MAML3: variants seen among roughly 807,000 people sequenced by gnomAD.
The protein encoded by MAML3 is mastermind-like protein 3.
Under a neutral mutation model 101.9 loss-of-function variants are expected in MAML3, and 27 were observed. The observed-to-expected ratio is 0.27, with a 90% CI of 0.20 to 0.37. The LOEUF (loss-of-function observed/expected upper bound fraction) is 0.37, where lower values mean the gene tolerates loss of function less well. Ranked by LOEUF, MAML3 falls within the 10% of genes least tolerant of loss-of-function variation. MAML3 has a pLI of 1.00. For synonymous variants in MAML3, 501 were observed against 555.9 expected (o/e 0.90, Z 1.39); for missense variants, 1,316 against 1,444.9 (o/e 0.91, Z 1.45).
At chr4:139,732,778 T>C (rs1314048119) in intron 2 of MAML3, among the ~76,000 whole-genome samples, 1 of 152,216 alleles carries the variant, frequency 6.6e-6, no homozygotes, top group Non-Finnish European at 1.5e-5. Flanking sequence ...GTGTTAAGTG[T>C]GCACCTAAGA....
At chr4:139,828,030 C>T (rs1731094170) in intron 2 of MAML3, among the ~76,000 whole-genome samples, 1 of 152,168 alleles carries the variant, frequency 6.6e-6, no homozygotes, top group East Asian at 1.9e-4. Flanking sequence ...TACGGTGCTG[C>T]CAAGATGTTA....
chr4:140,061,982 T>G (rs1002485939), intron 1 of MAML3, among the ~76,000 whole-genome samples: 19 of 152,170 alleles, frequency 1.2e-4, no homozygotes, highest in Admixed American at 1.2e-3. Flanking sequence ...AGGAGGAGAA[T>G]GTACAGCAAT....
intron 1 of MAML3, among the ~76,000 whole-genome samples, chr4:140,080,862 ATC>A (rs1378699001): frequency 6.6e-6 from 1 of 152,206 alleles, no homozygotes; most frequent in Non-Finnish European, 1.5e-5. Context: ...ATCCCACTCA[ATC>A]TTTTTGCTTG....
intron 1 of MAML3, among the ~76,000 whole-genome samples, chr4:140,074,250 A>AAAGAAAGG (rs1727729249): frequency 1.3e-5 from 2 of 149,882 alleles, no homozygotes; most frequent in Admixed American, 6.7e-5. Flanking sequence ...AGAAAGAAAG[A>AAAGAAAGG]AAGAAAGAAA....
intron 1 of MAML3, among the ~76,000 whole-genome samples, chr4:140,000,658 G>A (rs1275420523): frequency 6.6e-6 from 1 of 152,156 alleles, no homozygotes; most frequent in Admixed American, 6.5e-5. Flanking sequence ...GAATGGCGGT[G>A]GGGAACGGGA....
chr4:140,134,880 C>T (rs974842625), intron 1 of MAML3, among the ~76,000 whole-genome samples: 10 of 152,252 alleles, frequency 6.6e-5, no homozygotes, highest in Admixed American at 3.9e-4. Flanking sequence ...GCACGGGCTA[C>T]AGCCCCTCCT....
intron 2 of MAML3, among the ~76,000 whole-genome samples, chr4:139,797,113 G>A (rs956521439): frequency 3.9e-5 from 6 of 152,076 alleles, no homozygotes; most frequent in African/African-American, 1.4e-4. Flanking sequence ...CCTTCAATTT[G>A]TTCTTACAAT....
rs1267816620 is a variant in MAML3 at position 139,735,269 on chromosome 4, C to T, written c.2080-4602G>A. 3.3e-5 allele frequency among the ~76,000 whole-genome samples: 5 copies of T among 152,232 alleles called. No individual in the cohort carries two copies. The highest frequency in any genetic ancestry group is 1.2e-4 in the African/African-American group (5 of 41,462). On this transcript the variant is annotated intron_variant, in intron 2 of 4. Coordinates refer to ENST00000509479, the MANE Select transcript of MAML3 (RefSeq NM_018717.5). This position sits in a 1 kb window ranked among gnomAD's most constrained non-coding sequence, Gnocchi z 5.8. ...CTGGTGACTCGAGGCCCTCTTTGCA[C>T]AAAATGAGTTCTCTCTCCATTGCCG...
At chr4:139,937,593 G>C (rs529746065) in intron 1 of MAML3, among the ~76,000 whole-genome samples, 1 of 152,098 alleles carries the variant, frequency 6.6e-6, no homozygotes. Flanking sequence ...TTACCATGTT[G>C]GCTAGGCTGG....
chr4:139,881,544 C>A (rs1560822997), intron 2 of MAML3, among the ~76,000 whole-genome samples: 2 of 152,180 alleles, frequency 1.3e-5, no homozygotes, highest in Non-Finnish European at 2.9e-5. Context: ...ACTTTACAAG[C>A]CCCATCTAAG....
chr4:140,039,033 C>G lies in MAML3; in HGVS notation c.468+113827G>C, dbSNP rs375164140. Among the ~76,000 whole-genome samples, 8 of 152,010 alleles carry G rather than the reference C, an allele frequency of 5.3e-5. No homozygotes were observed. The East Asian group carries it at 1.4e-3, about 26-fold the overall frequency. On this transcript the variant is annotated intron_variant, in intron 1 of 4. Transcript: ENST00000509479. ...ACTCGGGAGGATGAGGCAGGAGAATCCCTTGAACCTGGGAGGTGGAGGTTG... is the reference window on the plus strand; with the variant it reads ...ACTCGGGAGGATGAGGCAGGAGAATGCCTTGAACCTGGGAGGTGGAGGTTG...
Position 139,785,761 on chromosome 4 carries a change from G to A in MAML3, c.2080-55094C>T, listed in dbSNP as rs67226123. Among the ~76,000 whole-genome samples the A allele has an allele frequency of 0.18, 27,412 of 152,044 alleles. 2,686 individuals are homozygous for A. The highest frequency in any genetic ancestry group is 0.21 in the Non-Finnish European group (14,163 of 67,956). On this transcript the variant is annotated intron_variant, in intron 2 of 4. Transcript: ENST00000509479. This position sits in a 1 kb window ranked among gnomAD's most constrained non-coding sequence, Gnocchi z 4.3. ...GTGGAGCTATGCTGTGTTTTAAGAA[G>A]AGTCCTTGATTGGCAAGTGAGCAGG...
At chr4:139,844,234 TTCA>T (rs1311839047) in intron 2 of MAML3, among the ~76,000 whole-genome samples, 1 of 152,186 alleles carries the variant, frequency 6.6e-6, no homozygotes, top group African/African-American at 2.4e-5. Flanking sequence ...GGGATACAAT[TTCA>T]TCATCAGAGA....
intron 1 of MAML3, among the ~76,000 whole-genome samples, chr4:139,984,616 A>G (rs929591530): frequency 2.7e-4 from 41 of 152,370 alleles, no homozygotes; most frequent in African/African-American, 9.1e-4. Flanking sequence ...AAACAGAACC[A>G]ACATGAGATT....
intron 1 of MAML3, among the ~76,000 whole-genome samples, chr4:140,034,371 A>G (rs1473237940): frequency 1.3e-5 from 2 of 152,236 alleles, no homozygotes; most frequent in Non-Finnish European, 2.9e-5. Context: ...TTAATAAACC[A>G]TTGAAGTTTT....
intron 1 of MAML3, among the ~76,000 whole-genome samples, chr4:140,113,293 A>G (rs1231037882): frequency 6.6e-6 from 1 of 152,098 alleles, no homozygotes; most frequent in Non-Finnish European, 1.5e-5. Flanking sequence ...AAATAAATAA[A>G]TAAAATAAAA....
chr4:140,110,699 CA>C (rs1324722725), intron 1 of MAML3, among the ~76,000 whole-genome samples: 1 of 151,646 alleles, frequency 6.6e-6, no homozygotes, highest in African/African-American at 2.4e-5. Context: ...AAAAAATGGA[CA>C]AAAGGGCACA....
At chr4:139,831,959 A>AT (rs1447100729) in intron 2 of MAML3, among the ~76,000 whole-genome samples, 2 of 151,050 alleles carry the variant, frequency 1.3e-5, no homozygotes, top group African/African-American at 4.9e-5. Flanking sequence ...CGCCCGGCTA[A>AT]TTTTTTTGTA....
intron 1 of MAML3, among the ~76,000 whole-genome samples, chr4:139,914,780 C>T (rs1732997639): frequency 6.6e-6 from 1 of 152,128 alleles, no homozygotes; most frequent in Non-Finnish European, 1.5e-5. Flanking sequence ...TCTTTCCCTC[C>T]TTGTCTTTTT....
Sources: gnomAD v4.1 joint callset for allele counts (sites outside exome capture counted in the v4.1 genomes callset) on GRCh38, gnomAD v4.1.1 for gene constraint, Gnocchi (gnomAD v3.1) non-coding constraint, MANE v1.5 for transcripts, NCBI Gene and HGNC (gene_info 2026-07-23, HGNC 2026-07-21) for gene names.